Variants in VWC2L observed in about 807,000 individuals in gnomAD.
VWC2L encodes the protein von Willebrand factor C domain containing 2 like, also known as von Willebrand factor C domain-containing protein 2-like.
Under a neutral mutation model 21.6 loss-of-function variants are expected in VWC2L, and 10 were observed. The observed-to-expected ratio is 0.46, with a 90% confidence interval of 0.29 to 0.78. VWC2L has a LOEUF of 0.78. Ranked by LOEUF, VWC2L falls within the 30% of genes least tolerant of loss-of-function variation. VWC2L has a pLI of 0.10. For synonymous variants in VWC2L, 96 were observed against 94.3 expected (o/e 1.02, Z -0.10); for missense variants, 209 against 277.1 (o/e 0.75, Z 1.74).
intron 3 of VWC2L, among the ~76,000 whole-genome samples, chr2:214,546,815 G>A (rs962477409): frequency 6.6e-6 from 1 of 152,088 alleles, no homozygotes; most frequent in African/African-American, 2.4e-5. Flanking sequence ...TGGTAGAGCT[G>A]GCATGTTAAA....
intron 3 of VWC2L, among the ~76,000 whole-genome samples, chr2:214,546,392 G>C (rs1292206688): frequency 2.0e-5 from 3 of 152,084 alleles, no homozygotes; most frequent in African/African-American, 7.2e-5. Flanking sequence ...AGATTCTCCT[G>C]AATGCTAATG....
At position 214,456,216 on chromosome 2, in the gene VWC2L, C is replaced by T. The variant is rs1703052699; in HGVS notation, c.520+19458C>T. On this transcript the variant is annotated intron_variant, in intron 3 of 3. Coordinates refer to ENST00000312504, the MANE Select transcript of VWC2L (RefSeq NM_001080500.4). ...ACCAGCATCTGTTATTTTTTTGTCT[C>T]TTTGATAATAGCATTTCTAACTGGG... Among the ~76,000 whole-genome samples, 3 of 151,904 alleles carry T rather than the reference C, an allele frequency of 2.0e-5. 1 individual carries two copies. In the South Asian group the frequency reaches 6.2e-4, roughly 31 times the overall value.
chr2:214,547,674 G>A (rs1425651705), intron 3 of VWC2L, among the ~76,000 whole-genome samples: 1 of 152,134 alleles, frequency 6.6e-6, no homozygotes, highest in Non-Finnish European at 1.5e-5. Context: ...CTCAGTGACA[G>A]GATTCAATAA....
intron 2 of VWC2L, among the ~76,000 whole-genome samples, chr2:214,416,886 G>C (rs1165542201): frequency 6.6e-6 from 1 of 151,990 alleles, no homozygotes. Context: ...TTAAATAAAT[G>C]ATTGTCCCCT....
chr2:214,458,132 A>G lies in VWC2L; in HGVS notation c.520+21374A>G, dbSNP rs188930965. ...AACTGATTCTATCTCATCACTCATCATTGGTCTATTCAGGTTTTCTATTTC... is the reference window on the plus strand; with the variant it reads ...AACTGATTCTATCTCATCACTCATCGTTGGTCTATTCAGGTTTTCTATTTC... On this transcript the variant is annotated intron_variant, in intron 3 of 3. Transcript: ENST00000312504. Among the ~76,000 whole-genome samples the G allele has an allele frequency of 2.6e-5, 4 of 152,048 alleles. No homozygotes were observed. In the East Asian group the frequency reaches 7.7e-4, roughly 29 times the overall value.
In VWC2L at chr2:214,443,665, G is replaced by T. The variant is rs149258311; in HGVS notation, c.520+6907G>T. ...ATTCTTGATAAAACAAGACTGAAGT[G>T]GACAATTTTTACATGATAAAAATAT... On this transcript the variant is annotated intron_variant, in intron 3 of 3. Transcript: ENST00000312504. Among the ~76,000 whole-genome samples, 3 of 152,100 alleles carry T rather than the reference G, an allele frequency of 2.0e-5. No homozygotes were observed. The East Asian group carries it at 5.8e-4, about 29-fold the overall frequency.
intron 3 of VWC2L, among the ~76,000 whole-genome samples, chr2:214,448,133 C>T (rs951413779): frequency 2.0e-5 from 3 of 152,166 alleles, no homozygotes; most frequent in African/African-American, 7.2e-5. Context: ...AACTACTTTA[C>T]CTATTGACTT....
chr2:214,567,033 G>A (rs1690073002), intron 3 of VWC2L, among the ~76,000 whole-genome samples: 1 of 152,038 alleles, frequency 6.6e-6, no homozygotes, highest in Non-Finnish European at 1.5e-5. Context: ...AATAAATATA[G>A]GATGTTTATG....
chr2:214,539,762 T>C lies in VWC2L; in HGVS notation c.521-35910T>C, dbSNP rs1574625823. Reference sequence around the variant, plus strand: ...TTTCCTGGAACAGACTGTTTTATCTTCCTTTAAAATAAATTACAGCTCACA... The same window carrying C: ...TTTCCTGGAACAGACTGTTTTATCTCCCTTTAAAATAAATTACAGCTCACA... On this transcript the variant is annotated intron_variant, in intron 3 of 3. Transcript: ENST00000312504. Among the ~76,000 whole-genome samples, 3 of 152,272 alleles carry C rather than the reference T, an allele frequency of 2.0e-5. No individual in the cohort carries two copies. The South Asian group carries it at 6.2e-4, about 32-fold the overall frequency.
chr2:214,459,852 T>A (rs1251491654), intron 3 of VWC2L, among the ~76,000 whole-genome samples: 1 of 151,910 alleles, frequency 6.6e-6, no homozygotes, highest in Non-Finnish European at 1.5e-5. Flanking sequence ...TTTCCCTATA[T>A]GTAAATAGAT....
At chr2:214,572,609 A>T (rs544190523) in intron 3 of VWC2L, among the ~76,000 whole-genome samples, 1 of 152,354 alleles carries the variant, frequency 6.6e-6, no homozygotes, top group East Asian at 1.9e-4. Flanking sequence ...GCTCAAATCA[A>T]ATTTGCATTT....
At chr2:214,455,872 T>C (rs958580591) in intron 3 of VWC2L, among the ~76,000 whole-genome samples, 1 of 152,054 alleles carries the variant, frequency 6.6e-6, no homozygotes, top group Non-Finnish European at 1.5e-5. Flanking sequence ...AAAAAAACTA[T>C]GTCATTTTTT....
intron 3 of VWC2L, among the ~76,000 whole-genome samples, chr2:214,487,823 G>A (rs1688691227): frequency 6.6e-6 from 1 of 152,146 alleles, no homozygotes; most frequent in Non-Finnish European, 1.5e-5. Flanking sequence ...GTTACAAACT[G>A]CAACATTCAG....
intron 3 of VWC2L, among the ~76,000 whole-genome samples, chr2:214,476,320 T>C (rs556461256): frequency 2.0e-5 from 3 of 152,362 alleles, no homozygotes; most frequent in African/African-American, 7.2e-5. Flanking sequence ...ATAGTTTATA[T>C]AGTTTTTAAT....
chr2:214,553,753 T>C lies in VWC2L; in HGVS notation c.521-21919T>C, dbSNP rs192763584. 5.8e-3 allele frequency among the ~76,000 whole-genome samples: 887 copies of C among 152,312 alleles called. 44 individuals are homozygous for C. Among genetic ancestry groups the C allele is most frequent in the Admixed American group, 0.055 (846 of 15,292 alleles). On this transcript the variant is annotated intron_variant, in intron 3 of 3. Coordinates refer to ENST00000312504, the MANE Select transcript of VWC2L (RefSeq NM_001080500.4). ...AATGAGGCATGTCTAGACTCCCCAC[T>C]TCCCATCACAGCCTGAACTAGTTTT...
At chr2:214,468,359 T>C (rs567812275) in intron 3 of VWC2L, among the ~76,000 whole-genome samples, 1 of 152,172 alleles carries the variant, frequency 6.6e-6, no homozygotes, top group East Asian at 1.9e-4. Flanking sequence ...TGAGGAAAAC[T>C]AGGGTTAAAA....
intron 3 of VWC2L, among the ~76,000 whole-genome samples, chr2:214,510,382 A>G (rs1323670144): frequency 1.3e-5 from 2 of 152,168 alleles, no homozygotes; most frequent in Non-Finnish European, 2.9e-5. Context: ...CTCTATTTGG[A>G]GCCGCTTTCT....
At chr2:214,461,060 T>C (rs1703133030) in intron 3 of VWC2L, among the ~76,000 whole-genome samples, 1 of 152,228 alleles carries the variant, frequency 6.6e-6, no homozygotes, top group African/African-American at 2.4e-5. Context: ...CTCAGTGACT[T>C]GGGCTGCAGT....
intron 3 of VWC2L, among the ~76,000 whole-genome samples, chr2:214,493,608 A>T (rs916406033): frequency 4.6e-5 from 7 of 152,276 alleles, no homozygotes; most frequent in African/African-American, 1.7e-4. Flanking sequence ...ACACTGAAAG[A>T]GGAAATGTCT....
Sources: gnomAD v4.1 joint callset for allele counts (sites outside exome capture counted in the v4.1 genomes callset) on GRCh38, gnomAD v4.1.1 for gene constraint, MANE v1.5 for transcripts, NCBI Gene and HGNC (gene_info 2026-07-23, HGNC 2026-07-21) for gene names.